Variants in IGSF9B observed in about 807,000 individuals in gnomAD.
The protein encoded by IGSF9B is immunoglobulin superfamily member 9B.
In IGSF9B, 48 loss-of-function variants were observed where a neutral mutation model predicts 143.7. The ratio of observed to expected loss-of-function variants is 0.33; its 90% confidence interval spans 0.26 to 0.42. The LOEUF (loss-of-function observed/expected upper bound fraction) is 0.42, where lower values mean the gene tolerates loss of function less well. Ranked by LOEUF, IGSF9B falls within the 20% of genes least tolerant of loss-of-function variation. The pLI, the probability that IGSF9B is intolerant of heterozygous loss-of-function variation, is 1.00. For synonymous variants in IGSF9B, 903 were observed against 833.1 expected (o/e 1.08, Z -1.44); for missense variants, 1,706 against 1,980.0 (o/e 0.86, Z 2.63).
rs182902710 is a variant in IGSF9B, at chr11:133,904,708, C to T, written c.*4361G>A. Among the ~76,000 whole-genome samples, 1 of 152,086 alleles carries T rather than the reference C, an allele frequency of 6.6e-6. No homozygotes were observed. Among genetic ancestry groups the T allele is most frequent in the Admixed American group, 6.6e-5 (1 of 15,266 alleles). ...TCAAAGAGATGCTGAGGCTTGGTGT[C>T]CCCTGGGGTGGTCTCACCATCCTAA... On this transcript the variant is annotated 3_prime_UTR_variant, in exon 20 of 20. Transcript: ENST00000533871.
intron 18 of IGSF9B, chr11:133,919,092 C>T: frequency 2.5e-6 from 1 of 402,492 alleles, no homozygotes; most frequent in Non-Finnish European, 5.0e-6. Context: ...GCTGGTCTGT[C>T]TCTCTGCAGC....
At chr11:133,933,335 G>A (rs1333486698) in intron 7 of IGSF9B, among the ~76,000 whole-genome samples, 4 of 152,286 alleles carry the variant, frequency 2.6e-5, no homozygotes, top group East Asian at 1.9e-4. Flanking sequence ...CTCTACATCC[G>A]AAGCCAAAAG....
chr11:133,919,120 G>GA lies in IGSF9B; in HGVS notation c.3983+621_3983+622insT, dbSNP rs1555086491. The stretch of plus-strand genomic sequence containing the variant: ...TCTGCAGCTTCCTGCGAGGTATACG[G>GA]GGGGGGGGTGGGGGACGTGTCCTGC... On this transcript the variant is annotated intron_variant, in intron 18 of 19. Coordinates refer to ENST00000533871, the MANE Select transcript of IGSF9B (RefSeq NM_001277285.4). 2 of 349,352 alleles carry GA rather than the reference G, an allele frequency of 5.7e-6. 1 individual carries two copies. Among genetic ancestry groups the GA allele is most frequent in the Non-Finnish European group, 1.2e-5 (2 of 173,098 alleles). The allele number at this position is 349,352 out of a possible 1,614,324, so 21.6% of individuals were successfully genotyped here.
chr11:133,947,756 T>C (rs980014313), intron 1 of IGSF9B, among the ~76,000 whole-genome samples: 4 of 131,010 alleles, frequency 3.1e-5, no homozygotes, highest in African/African-American at 7.9e-5. Flanking sequence ...TCTGGATCTC[T>C]GTTTGTCTGT....
chr11:133,914,180 T>C (rs1013052468), intron 18 of IGSF9B, among the ~76,000 whole-genome samples: 1 of 152,212 alleles, frequency 6.6e-6, no homozygotes, highest in Non-Finnish European at 1.5e-5. Context: ...CTGTAATCTC[T>C]ACAGCAAACC....
rs530421385 is a variant in IGSF9B at position 133,956,542 on chromosome 11, C to T, written c.64+149G>A. On this transcript the variant is annotated intron_variant, in intron 1 of 19. Transcript: ENST00000533871. The stretch of plus-strand genomic sequence containing the variant: ...CCGGCAATGCTCCCGGGCCGCCTGG[C>T]CCGCGTCGGAGCCCAAGCCTCACCC... The T allele has an allele frequency of 3.7e-4, 184 of 502,614 alleles. 5 individuals carry two copies. The East Asian group carries it at 5.2e-3, about 14-fold the overall frequency. 31.1% of individuals were successfully genotyped at this position (502,614 alleles called of 1,614,324 possible). A position where few individuals can be genotyped will look rare whatever the true frequency, so the allele number is the denominator to read the frequency against.
At chr11:133,923,307 T>C (rs1376277900) in intron 15 of IGSF9B, among the ~76,000 whole-genome samples, 4 of 152,178 alleles carry the variant, frequency 2.6e-5, no homozygotes, top group East Asian at 1.9e-4. Flanking sequence ...GGATTATTAC[T>C]ACAAAATTCA....
At chr11:133,922,878 G>A (rs1043768086) in intron 15 of IGSF9B, 148 bp from the exon 16 acceptor site, 23 of 694,062 alleles carry the variant, frequency 3.3e-5, no homozygotes, top group Non-Finnish European at 7.1e-6. Flanking sequence ...GCACTGAAGA[G>A]GTTTGGATGG....
At chr11:133,947,709 TC>T (rs1940079857) in intron 1 of IGSF9B, among the ~76,000 whole-genome samples, 1 of 5,556 alleles carries the variant, frequency 1.8e-4, no homozygotes, top group African/African-American at 5.3e-4. Flanking sequence ...CTGTGTTTGT[TC>T]TCTCTCTCTC....
Position 133,907,610 on chromosome 11 carries a change from C to T in IGSF9B, c.*1459G>A, listed in dbSNP as rs988572845. Among the ~76,000 whole-genome samples, 2 of 152,242 alleles carry T rather than the reference C, an allele frequency of 1.3e-5. No individual in the cohort carries two copies. The highest frequency in any genetic ancestry group is 2.9e-5 in the Non-Finnish European group (2 of 68,042). ...CTTGGGCAGCACCATATCTTACCGG[C>T]AGAGAGACATCTTAGTGGGAAGATG... On this transcript the variant is annotated 3_prime_UTR_variant, in exon 20 of 20. Transcript: ENST00000533871.
chr11:133,924,148 G>A (rs972381255), intron 15 of IGSF9B, among the ~76,000 whole-genome samples: 18 of 152,104 alleles, frequency 1.2e-4, no homozygotes, highest in East Asian at 3.9e-4. Context: ...CTGGGTGAGC[G>A]GTGCCCAAGG....
At position 133,909,065 on chromosome 11, in the gene IGSF9B, G is replaced by A. The variant is rs1046344891; in HGVS notation, c.*4C>T. 3.9e-6 allele frequency: 6 copies of A among 1,534,452 alleles called. No homozygotes were observed. Among genetic ancestry groups the A allele is most frequent in the Middle Eastern group, 1.7e-4 (1 of 5,912 alleles). ...GCCCCGGGGACACCTAGAGTGGGGT[G>A]GAGTCACAGCAAAGTGGCATGTCCT... On this transcript the variant is annotated 3_prime_UTR_variant, in exon 20 of 20. Transcript: ENST00000533871. The surrounding 1 kb of genome is among the most constrained non-coding windows in gnomAD (Gnocchi z 4.2).
intron 1 of IGSF9B, among the ~76,000 whole-genome samples, chr11:133,956,378 C>A (rs1440375426): frequency 6.6e-6 from 1 of 152,078 alleles, no homozygotes; most frequent in African/African-American, 2.4e-5. Flanking sequence ...ACGGGCTAGG[C>A]GCGCCGGTGT....
chr11:133,910,053 C>G (rs1310121884), intron 19 of IGSF9B, among the ~76,000 whole-genome samples: 1 of 152,104 alleles, frequency 6.6e-6, no homozygotes, highest in Non-Finnish European at 1.5e-5. Context: ...TGTGGTGTGT[C>G]CCCGATACAG....
rs750995590 is a variant in IGSF9B, at chr11:133,924,804, C to T, written c.2119+16G>A. ...TATGTCCCTATAGTTGCAAGAGCAC[C>T]CTCAACCCAAAATACCTGTGCTGGA... On this transcript the variant is annotated intron_variant, in intron 15 of 19. Coordinates refer to ENST00000533871, the MANE Select transcript of IGSF9B (RefSeq NM_001277285.4). 1 of 1,610,966 alleles carries T rather than the reference C, an allele frequency of 6.2e-7. No individual in the cohort carries two copies. Among genetic ancestry groups the T allele is most frequent in the Non-Finnish European group, 8.5e-7 (1 of 1,177,554 alleles).
At chr11:133,954,761 CA>C (rs1940219904) in intron 1 of IGSF9B, among the ~76,000 whole-genome samples, 1 of 152,162 alleles carries the variant, frequency 6.6e-6, no homozygotes, top group Non-Finnish European at 1.5e-5. Context: ...AACTACCACA[CA>C]CAGAGCAATT....
chr11:133,934,752 A>G (rs1239757561), intron 7 of IGSF9B, among the ~76,000 whole-genome samples: 1 of 152,088 alleles, frequency 6.6e-6, no homozygotes, highest in Non-Finnish European at 1.5e-5. Context: ...ACTTGTCCTC[A>G]GCTCGTACAC....
chr11:133,947,205 C>A (rs572767679), intron 1 of IGSF9B, among the ~76,000 whole-genome samples: 1 of 152,180 alleles, frequency 6.6e-6, no homozygotes, highest in African/African-American at 2.4e-5. Context: ...GCACCCCAAG[C>A]GCCGCAGCAC....
At chr11:133,927,272 C>A (rs897272166) in intron 12 of IGSF9B, among the ~76,000 whole-genome samples, 181 bp from the exon 13 acceptor site, 13 of 152,354 alleles carry the variant, frequency 8.5e-5, no homozygotes, top group African/African-American at 2.6e-4. Flanking sequence ...CTGTGCCAAT[C>A]CTCCTGATGC....
Sources: allele counts gnomAD v4.1 joint callset (sites outside exome capture counted in the v4.1 genomes callset), GRCh38; gene constraint gnomAD v4.1.1; non-coding constraint Gnocchi (gnomAD v3.1); transcripts MANE v1.5; gene names NCBI Gene and HGNC (gene_info 2026-07-23, HGNC 2026-07-21).